The following TULP4 variants were observed in gnomAD, a reference collection of about 807,000 sequenced individuals.
The protein encoded by TULP4 is TUB like protein 4, also known as tubby-related protein 4.
In TULP4, 16 loss-of-function variants were observed where a neutral mutation model predicts 129.0. The observed-to-expected ratio is 0.12, with a 90% confidence interval of 0.08 to 0.19. TULP4 has a LOEUF of 0.19. Ranked by LOEUF, TULP4 falls within the 10% of genes least tolerant of loss-of-function variation. The pLI is 1.00. For missense variants in TULP4, 1,842 were observed against 2,059.1 expected, an observed-to-expected ratio of 0.89 and a Z score of 2.04; for synonymous variants, 998 against 854.0, an observed-to-expected ratio of 1.17 and a Z score of -2.94.
chr6:158,366,914 G>A (rs1776924266), intron 1 of TULP4, among the ~76,000 whole-genome samples: 1 of 152,144 alleles, frequency 6.6e-6, no homozygotes, highest in African/African-American at 2.4e-5. Context: ...TCACTTTCCT[G>A]TCCTTATGCG....
intron 1 of TULP4, among the ~76,000 whole-genome samples, chr6:158,405,909 G>A (rs705946): frequency 0.69 from 104,882 of 152,110 alleles, 36,729 homozygotes; most frequent in Middle Eastern, 0.76. Context: ...TCTTTCCTCA[G>A]AACCAGAACT....
intron 11 of TULP4, among the ~76,000 whole-genome samples, chr6:158,497,077 T>A (rs1024542652): frequency 2.0e-5 from 3 of 152,238 alleles, no homozygotes; most frequent in Admixed American, 6.5e-5. Context: ...GGTCTTAAAC[T>A]CCTGGCTTCA....
At chr6:158,250,181 C>T (rs1342428056) in intron 1 of TULP4, among the ~76,000 whole-genome samples, 1 of 145,078 alleles carries the variant, frequency 6.9e-6, no homozygotes, top group Non-Finnish European at 1.5e-5. Context: ...TGTTTTGAGA[C>T]GGAGTGTCGC....
At position 158,500,834 on chromosome 6, in the gene TULP4, G is replaced by C. The variant is rs377495711; in HGVS notation, c.2015-844G>C. 1.3e-4 allele frequency among the ~76,000 whole-genome samples: 20 copies of C among 152,348 alleles called. No homozygotes were observed. The South Asian group carries it at 3.9e-3, about 30-fold the overall frequency. ...TAATCCCAGCCCTTTGGGAGGCGAG[G>C]TGGGTGGATCACCTGAGGTCAGGAG... On this transcript the variant is annotated intron_variant, in intron 12 of 13. Transcript: ENST00000367097.
chr6:158,502,934 G>T lies in TULP4; in HGVS notation c.3271G>T (p.Asp1091Tyr), dbSNP rs760636119. 5 of 1,614,034 alleles carry T rather than the reference G, an allele frequency of 3.1e-6. No homozygotes were observed. Among genetic ancestry groups the T allele is most frequent in the Non-Finnish European group, 4.2e-6 (5 of 1,180,000 alleles). ...CTACGTCAACTCGGCCTTCACGGAG[G>T]ACGAGGCCCTGTCCCAGCACTGTCA... is the stretch of plus-strand genomic sequence containing the variant. Reference protein sequence around the residue: ...TDYVNSAFTEDEALSQHCQLE... With the variant: ...TDYVNSAFTEYEALSQHCQLE... The change falls in exon 13 of 14, where the codon GAC (aspartate) becomes TAC (tyrosine). Residue 1091 changes from aspartate to tyrosine, a missense_variant. Physicochemically the swap from Asp to Tyr is radical, Grantham distance 160. Coordinates refer to ENST00000367097, the MANE Select transcript of TULP4 (RefSeq NM_020245.5).
At chr6:158,433,453 G>A (rs1415548939) in intron 3 of TULP4, among the ~76,000 whole-genome samples, 1 of 152,170 alleles carries the variant, frequency 6.6e-6, no homozygotes. Flanking sequence ...AGTGGCTCAC[G>A]CCTGTAATCC....
At chr6:158,279,104 A>AT (rs1254228822), upstream of TULP4, among the ~76,000 whole-genome samples, 88 of 145,340 alleles carry the variant, frequency 6.1e-4, no homozygotes, top group Admixed American at 4.8e-4. Context: ...TGCCCGGCTA[A>AT]TTTTTTTTTT....
At chr6:158,453,224 T>G (rs1007455887) in intron 5 of TULP4, among the ~76,000 whole-genome samples, 1 of 152,040 alleles carries the variant, frequency 6.6e-6, no homozygotes, top group East Asian at 1.9e-4. Context: ...TCCCGGCACT[T>G]TGGGAGGCCA....
At chr6:158,387,677 A>G (rs1583824120) in intron 1 of TULP4, among the ~76,000 whole-genome samples, 1 of 152,182 alleles carries the variant, frequency 6.6e-6, no homozygotes, top group Admixed American at 6.5e-5. Context: ...ATGTGCGTGC[A>G]CACACACATA....
chr6:158,461,411 C>CAAAAAA, intron 5 of TULP4, 152 bp from the exon 6 acceptor site: 1 of 552,516 alleles, frequency 1.8e-6, no homozygotes, highest in Non-Finnish European at 2.6e-6. Context: ...AACTCCGTCT[C>CAAAAAA]AAAAAAAAAA....
intron 1 of TULP4, among the ~76,000 whole-genome samples, chr6:158,241,653 G>A (rs60343414): frequency 0.16 from 23,571 of 151,954 alleles, 2,466 homozygotes; most frequent in East Asian, 0.43. Context: ...GGAGTGCAGT[G>A]GCGTGACCTT....
At chr6:158,243,412 T>C (rs1777963570) in intron 1 of TULP4, among the ~76,000 whole-genome samples, 1 of 149,654 alleles carries the variant, frequency 6.7e-6, no homozygotes, top group East Asian at 2.0e-4. Flanking sequence ...TATGTGTGTG[T>C]ATGGGCGTGT....
intron 1 of TULP4, among the ~76,000 whole-genome samples, chr6:158,266,733 G>A (rs1361617760): frequency 1.3e-5 from 2 of 152,210 alleles, no homozygotes; most frequent in African/African-American, 4.8e-5. Flanking sequence ...TATGAGGGAT[G>A]CATATGGGTT....
chr6:158,380,261 A>AC (rs1361570003), intron 1 of TULP4, among the ~76,000 whole-genome samples: 2 of 152,192 alleles, frequency 1.3e-5, no homozygotes, highest in Non-Finnish European at 2.9e-5. Context: ...TTCAGCAAGA[A>AC]CTACGGACAG....
chr6:158,280,174 C>T (rs1360183108), upstream of TULP4, among the ~76,000 whole-genome samples: 2 of 152,050 alleles, frequency 1.3e-5, no homozygotes, highest in East Asian at 1.9e-4. Context: ...TGTAGTATAG[C>T]ATTAATCTTA....
chr6:158,239,547 G>A (rs1214136915), intron 1 of TULP4, among the ~76,000 whole-genome samples: 1 of 53,184 alleles, frequency 1.9e-5, no homozygotes, highest in African/African-American at 6.4e-5. Flanking sequence ...GGGCAGAGGC[G>A]CCCCTCACCT....
intron 1 of TULP4, among the ~76,000 whole-genome samples, chr6:158,270,930 A>G (rs977479155): frequency 1.3e-5 from 2 of 152,076 alleles, no homozygotes; most frequent in Non-Finnish European, 2.9e-5. Flanking sequence ...CAGGTTGATC[A>G]CCTGAGGTCA....
intron 2 of TULP4, among the ~76,000 whole-genome samples, chr6:158,423,402 T>C (rs1232737413): frequency 1.3e-5 from 2 of 152,170 alleles, no homozygotes; most frequent in African/African-American, 2.4e-5. Context: ...CAAATAACAA[T>C]GTAGAGCATA....
intron 1 of TULP4, among the ~76,000 whole-genome samples, chr6:158,343,787 T>C (rs867257717): frequency 5.9e-5 from 9 of 152,306 alleles, no homozygotes; most frequent in Middle Eastern, 3.4e-3. Flanking sequence ...TAAAATACTT[T>C]TAAAAAATCT....
Sources: gnomAD v4.1 joint callset for allele counts (sites outside exome capture counted in the v4.1 genomes callset) on GRCh38, gnomAD v4.1.1 for gene constraint, MANE v1.5 for transcripts, NCBI Gene and HGNC (gene_info 2026-07-23, HGNC 2026-07-21) for gene names.